Variants in TTLL8 observed in about 807,000 individuals in gnomAD.
The protein encoded by TTLL8 is tubulin tyrosine ligase like 8.
In TTLL8, 65 loss-of-function variants were observed where a neutral mutation model predicts 77.8. The ratio of observed to expected loss-of-function variants is 0.84; its 90% CI spans 0.68 to 1.03. TTLL8 has a LOEUF of 1.03. Ranked by LOEUF, TTLL8 falls within the 50% of genes least tolerant of loss-of-function variation. The pLI, the probability that TTLL8 is intolerant of heterozygous loss-of-function variation, is 0.00. For missense variants in TTLL8, 910 were observed against 1,004.5 expected (o/e 0.91, Z 1.27); for synonymous variants, 402 against 422.8 (o/e 0.95, Z 0.60).
At position 50,034,188 on chromosome 22, in the gene TTLL8, C is replaced by T. The variant is rs540273053; in HGVS notation, c.1039+157G>A. 1,502 of 758,694 alleles carry T rather than the reference C, an allele frequency of 2.0e-3. 5 individuals are homozygous for T. The highest frequency in any genetic ancestry group is 2.1e-3 in the Non-Finnish European group (1,338 of 623,138). 47.0% of individuals were successfully genotyped at this position (758,694 alleles called of 1,614,324 possible). On this transcript the variant is annotated intron_variant, in intron 9 of 13. Transcript: ENST00000266182. The surrounding 1 kb of genome is among the most constrained non-coding windows in gnomAD (Gnocchi z 4.1). ...TGTGAAGACGCCTCCAGCTCTGCTC[C>T]AGCGCCTGAGTCCTGACCCCCACGC...
At chr22:50,032,163 C>G in intron 10 of TTLL8, 54 bp from the exon 12 acceptor site, 1 of 1,302,406 alleles carries the variant, frequency 7.7e-7, no homozygotes, top group Non-Finnish European at 1.0e-6. Flanking sequence ...AGGAGGGCAC[C>G]CAAGGCCGGT....
In TTLL8 at chr22:50,034,748, A is replaced by G. The variant is rs8139607; in HGVS notation, c.922-286T>C. 0.49 allele frequency among the ~76,000 whole-genome samples: 73,607 copies of G among 149,382 alleles called. 18,639 individuals are homozygous for G. Among genetic ancestry groups the G allele is most frequent in the Non-Finnish European group, 0.57 (38,497 of 67,544 alleles). On this transcript the variant is annotated intron_variant, in intron 8 of 13. Transcript: ENST00000266182. This position sits in a 1 kb window ranked among gnomAD's most constrained non-coding sequence, Gnocchi z 4.1. ...GTGTGTGGGTCGGAGCTGGCCACAG[A>G]CCCCAAGCAGCACCCTGCCTGGGTG...
intron 8 of TTLL8, among the ~76,000 whole-genome samples, chr22:50,035,374 G>A (rs1199693650): frequency 6.6e-6 from 1 of 152,236 alleles, no homozygotes; most frequent in East Asian, 1.9e-4. Flanking sequence ...GCAGCTTGAA[G>A]GGAGAAGTGA....
upstream of TTLL8, chr22:50,056,752 T>C: frequency 7.8e-7 from 1 of 1,281,418 alleles, no homozygotes; most frequent in African/African-American, 1.5e-5. This position sits in a 1 kb window ranked among gnomAD's most constrained non-coding sequence, Gnocchi z 4.1. Context: ...TGCAGCTCAG[T>C]GAAGTGCCTG....
At chr22:50,030,118 C>T in intron 12 of TTLL8, 1 of 966,950 alleles carries the variant, frequency 1.0e-6, no homozygotes, top group Non-Finnish European at 1.2e-6. Context: ...AACTCAAATC[C>T]TCCGACCCGC....
At chr22:50,025,383 G>A (rs2061225398) in intron 12 of TTLL8, among the ~76,000 whole-genome samples, 1 of 151,664 alleles carries the variant, frequency 6.6e-6, no homozygotes, top group South Asian at 2.1e-4. Flanking sequence ...ATACACAGAA[G>A]AGGCCGGGCG....
upstream of TTLL8, among the ~76,000 whole-genome samples, chr22:50,054,998 T>G (rs56330886): frequency 0.056 from 8,491 of 152,090 alleles, 828 homozygotes; most frequent in African/African-American, 0.19. Context: ...AGGCAGAGGT[T>G]GTGGTAAGCT....
At chr22:50,049,254 C>A (rs113127908) in exon 3 of TTLL8, 16 of 1,367,668 alleles carry the variant, frequency 1.2e-5, no homozygotes, top group African/African-American at 1.5e-5. Flanking sequence ...CGTACCATCA[C>A]GTCGTGGATG....
chr22:50,057,069 TG>T (rs1415339258), upstream of TTLL8: 73 of 856,810 alleles, frequency 8.5e-5, no homozygotes, highest in Non-Finnish European at 1.1e-4. Flanking sequence ...GGGTCAGGTC[TG>T]GGGTTGGGGA....
chr22:50,024,098 A>G (rs1028838073), intron 12 of TTLL8, among the ~76,000 whole-genome samples: 9 of 152,196 alleles, frequency 5.9e-5, no homozygotes, highest in African/African-American at 2.2e-4. Context: ...TTTGAAGAAG[A>G]AACAAAATTG....
intron 8 of TTLL8, among the ~76,000 whole-genome samples, chr22:50,039,504 C>A (rs534017036): frequency 6.6e-6 from 1 of 152,290 alleles, no homozygotes; most frequent in South Asian, 2.1e-4. Flanking sequence ...CGAACCTCAA[C>A]CAGGAGAAAT....
At chr22:50,040,522 C>T (rs537902779) in intron 8 of TTLL8, among the ~76,000 whole-genome samples, 29 of 152,280 alleles carry the variant, frequency 1.9e-4, no homozygotes, top group South Asian at 6.2e-4. Flanking sequence ...GGGGTTCTCC[C>T]GGGAAAGGTT....
chr22:50,028,201 A>G (rs2061243263), intron 12 of TTLL8, among the ~76,000 whole-genome samples: 1 of 152,166 alleles, frequency 6.6e-6, no homozygotes, highest in African/African-American at 2.4e-5. Flanking sequence ...GTGTGTGAGG[A>G]TCAAAGGCAG....
chr22:50,054,312 G>C (rs529143073), intron 1 of TTLL8, among the ~76,000 whole-genome samples: 34 of 152,196 alleles, frequency 2.2e-4, no homozygotes, highest in African/African-American at 8.2e-4. Flanking sequence ...TACAGAACAC[G>C]AGAGCCTTCC....
chr22:50,045,101 G>A (rs917013817), intron 6 of TTLL8, 154 bp downstream of exon 8: 15 of 708,046 alleles, frequency 2.1e-5, no homozygotes, highest in South Asian at 6.2e-5. Flanking sequence ...CAGAAAACCC[G>A]TCTGCCATGA....
In TTLL8 at chr22:50,045,865, C is replaced by A; in HGVS notation, c.499G>T (p.Glu167Ter). ...CCGTCTCCTCACTTACCCAGGAACTCCTGCTGCTCACTCTCGGTGCAGAGG... is the reference window on the plus strand; with the variant it reads ...CCGTCTCCTCACTTACCCAGGAACTACTGCTGCTCACTCTCGGTGCAGAGG... Residue 167 changes from glutamate to a stop codon, truncating the protein, a stop_gained, in exon 5 of 14, where the codon GAG becomes TAG. Coordinates refer to ENST00000266182, the Ensembl canonical transcript of TTLL8. LOFTEE classifies it high-confidence loss of function. The A allele has an allele frequency of 7.4e-7, 1 of 1,351,420 alleles. No individual in the cohort carries two copies. The highest frequency in any genetic ancestry group is 9.8e-7 in the Non-Finnish European group (1 of 1,016,564). The allele number at this position is 1,351,420 out of a possible 1,614,324, so 83.7% of individuals were successfully genotyped here. A position where few individuals can be genotyped will look rare whatever the true frequency, so the allele number is the denominator to read the frequency against.
intron 1 of TTLL8, among the ~76,000 whole-genome samples, chr22:50,054,305 A>G (rs562052226): frequency 3.9e-5 from 6 of 152,250 alleles, no homozygotes; most frequent in Admixed American, 6.5e-5. Flanking sequence ...TCCCATTTAC[A>G]GAACACGAGA....
At chr22:50,050,193 G>C in exon 2 of TTLL8, 1 of 1,362,860 alleles carries the variant, frequency 7.3e-7, no homozygotes, top group Non-Finnish European at 9.8e-7. Context: ...CCCTTCCTTC[G>C]CAGAGCGGCC....
At chr22:50,022,412 C>T (rs557704707) in intron 12 of TTLL8, among the ~76,000 whole-genome samples, 5 of 148,940 alleles carry the variant, frequency 3.4e-5, no homozygotes, top group African/African-American at 1.0e-4. Context: ...ATCTGACATG[C>T]ACTCCTCCAT....
Sources: allele counts gnomAD v4.1 joint callset (sites outside exome capture counted in the v4.1 genomes callset), GRCh38; gene constraint gnomAD v4.1.1; non-coding constraint Gnocchi (gnomAD v3.1); transcripts MANE v1.5; gene names NCBI Gene and HGNC (gene_info 2026-07-23, HGNC 2026-07-21).